The following HADHB variants were observed in gnomAD, a reference collection of about 807,000 sequenced individuals.
HADHB encodes the protein trifunctional enzyme subunit beta, mitochondrial.
HADHB carries 50 observed loss-of-function variants against 61.9 expected under a neutral mutation model. That is an observed-to-expected ratio of 0.81 (90% CI 0.64 to 1.02). HADHB has a LOEUF of 1.02. HADHB is among the 50% of genes least tolerant of loss of function. The pLI is 0.00. For synonymous variants in HADHB, 191 were observed against 201.6 expected, an observed-to-expected ratio of 0.95 and a Z score of 0.45; for missense variants, 504 against 586.5, an observed-to-expected ratio of 0.86 and a Z score of 1.45.
intron 1 of HADHB, among the ~76,000 whole-genome samples, chr2:26,245,705 A>G (rs1175955776): frequency 6.6e-6 from 1 of 152,088 alleles, no homozygotes; most frequent in African/African-American, 2.4e-5. Flanking sequence ...ATTGCATGGT[A>G]GCTGTTTTTG....
chr2:26,251,134 T>C (rs1392188384), intron 1 of HADHB, among the ~76,000 whole-genome samples: 4 of 149,630 alleles, frequency 2.7e-5, no homozygotes, highest in Non-Finnish European at 6.0e-5. Flanking sequence ...TCAGTGTCGT[T>C]TATTCCTGTG....
chr2:26,254,150 A>C, intron 1 of HADHB, 97 bp from the exon 2 acceptor site: 1 of 736,924 alleles, frequency 1.4e-6, no homozygotes, highest in Non-Finnish European at 2.5e-6. Context: ...AATGTTTTCT[A>C]GTAGCCATGG....
At chr2:26,281,530 T>C (rs1243390551) in intron 10 of HADHB, among the ~76,000 whole-genome samples, 2 of 152,198 alleles carry the variant, frequency 1.3e-5, no homozygotes, top group Non-Finnish European at 2.9e-5. Context: ...TGGCATGGAC[T>C]ACACTTGCCA....
At chr2:26,283,120 T>TA in intron 12 of HADHB, 69 bp downstream of exon 12, 2 of 956,840 alleles carry the variant, frequency 2.1e-6, no homozygotes, top group Non-Finnish European at 3.4e-6. Context: ...ATTATACTGG[T>TA]TAATAAATGA....
intron 15 of HADHB, 57 bp from the exon 16 acceptor site, chr2:26,289,861 G>C: frequency 8.7e-7 from 1 of 1,154,210 alleles, no homozygotes; most frequent in Non-Finnish European, 1.3e-6. Flanking sequence ...TGCTGTCCCT[G>C]TACTAGGTGG....
chr2:26,289,111 G>T (rs952379528), intron 15 of HADHB, among the ~76,000 whole-genome samples: 24 of 152,160 alleles, frequency 1.6e-4, no homozygotes, highest in African/African-American at 5.8e-4. Context: ...TTAGCCGGAC[G>T]TGGTGGCGGG....
intron 1 of HADHB, among the ~76,000 whole-genome samples, chr2:26,248,174 T>C (rs1456286437): frequency 2.6e-5 from 4 of 152,232 alleles, no homozygotes; most frequent in Admixed American, 2.6e-4. Flanking sequence ...GTAGCTTGCT[T>C]TTTCATTTAA....
At chr2:26,263,557 G>A (rs1184569671) in intron 4 of HADHB, 78 bp downstream of exon 4, 11 of 889,596 alleles carry the variant, frequency 1.2e-5, no homozygotes, top group Middle Eastern at 2.8e-4. Flanking sequence ...ATGTAACCCA[G>A]TAGGTAATAA....
intron 3 of HADHB, among the ~76,000 whole-genome samples, chr2:26,257,567 G>C (rs1398207716): frequency 6.6e-6 from 1 of 152,144 alleles, no homozygotes; most frequent in Admixed American, 6.5e-5. Flanking sequence ...CGGCGGGGCT[G>C]AGGGAGGAGG....
In HADHB at chr2:26,280,077, C is replaced by G. The variant is rs746471548; in HGVS notation, c.895C>G (p.Pro299Ala). 3.1e-6 allele frequency: 5 copies of G among 1,611,728 alleles called. No individual in the cohort carries two copies. In the East Asian group the frequency reaches 1.1e-4, roughly 36 times the overall value. ...MAKLKPAFIK[P>A]YGTVTAANSS... is the part of the protein sequence containing the mutation. ...CAAACTAAAACCTGCATTCATCAAGCCCTACGGCACAGTGACAGCTGCAAA... is the reference window on the plus strand; with the variant it reads ...CAAACTAAAACCTGCATTCATCAAGGCCTACGGCACAGTGACAGCTGCAAA... The change falls in exon 10 of 16, where the codon CCC (proline) becomes GCC (alanine). Residue 299 changes from proline to alanine, a missense_variant. Coordinates refer to ENST00000317799, the MANE Select transcript of HADHB (RefSeq NM_000183.3).
intron 9 of HADHB, among the ~76,000 whole-genome samples, chr2:26,279,607 C>G (rs956622547): frequency 2.7e-5 from 4 of 150,438 alleles, no homozygotes; most frequent in African/African-American, 9.8e-5. Flanking sequence ...TGGTCAACAG[C>G]GTGAGACTTC....
chr2:26,281,864 T>G (rs1672804302), intron 10 of HADHB, among the ~76,000 whole-genome samples: 1 of 152,216 alleles, frequency 6.6e-6, no homozygotes, highest in Non-Finnish European at 1.5e-5. Flanking sequence ...TTTTACAAAT[T>G]ATGAAGAATA....
intron 4 of HADHB, among the ~76,000 whole-genome samples, chr2:26,269,186 T>C (rs1672230301): frequency 6.6e-6 from 1 of 150,682 alleles, no homozygotes; most frequent in South Asian, 2.1e-4. Flanking sequence ...AAAGAGGAAC[T>C]CTGCTCTCTT....
At chr2:26,282,964 A>G (rs1392213669) in intron 11 of HADHB, 40 bp downstream of exon 11, 1 of 1,598,912 alleles carries the variant, frequency 6.3e-7, no homozygotes, top group Non-Finnish European at 8.6e-7. Context: ...TGATTTCTTT[A>G]TTTTATTACC....
At chr2:26,273,087 CAA>C (rs559000048) in intron 5 of HADHB, among the ~76,000 whole-genome samples, 22 of 131,798 alleles carry the variant, frequency 1.7e-4, no homozygotes, top group Admixed American at 1.5e-4. Context: ...ATTCTTATCT[CAA>C]AAAAAAAAAA....
rs72851529 is a variant in HADHB, at chr2:26,275,946, A to C, written c.355-1127A>C. 6.3e-3 allele frequency among the ~76,000 whole-genome samples: 954 copies of C among 152,358 alleles called. 8 individuals are homozygous for C. The highest frequency in any genetic ancestry group is 0.021 in the African/African-American group (892 of 41,584). ...GATAATTAATAGTTTCAGGGAAAGA[A>C]TACTAAAAATGAATTCCCTATAATG... On this transcript the variant is annotated intron_variant, in intron 6 of 15. Coordinates refer to ENST00000317799, the MANE Select transcript of HADHB (RefSeq NM_000183.3).
At chr2:26,254,560 A>C in intron 3 of HADHB, 86 bp downstream of exon 3, 1 of 920,610 alleles carries the variant, frequency 1.1e-6, no homozygotes, top group Non-Finnish European at 1.8e-6. Context: ...AAAAACCAAA[A>C]CTAATTTGCT....
At position 26,277,115 on chromosome 2, in the gene HADHB, A is replaced by G. The variant is rs371159065; in HGVS notation, c.397A>G (p.Thr133Ala). ...CTTCTCTGACAAGACTCCTGCTCAC[A>G]CTGTCACCATGGCTTGTATCTCTGC... ...AGFSDKTPAH[T>A]VTMACISANQ... Residue 133 changes from threonine (T) to alanine (A), a missense_variant, in exon 7 of 16, where the codon ACT becomes GCT. Thr to Ala is a moderately conservative substitution (Grantham distance 58). Transcript: ENST00000317799. 1.9e-4 allele frequency: 303 copies of G among 1,607,024 alleles called. 1 individual carries two copies. Among genetic ancestry groups the G allele is most frequent in the Non-Finnish European group, 2.3e-4 (271 of 1,173,970 alleles).
At chr2:26,283,202 G>A in intron 12 of HADHB, 151 bp downstream of exon 12, 2 of 697,188 alleles carry the variant, frequency 2.9e-6, no homozygotes, top group Non-Finnish European at 5.1e-6. Context: ...GTTCATAATT[G>A]GTTTATGTGG....
Sources: allele counts gnomAD v4.1 joint callset (sites outside exome capture counted in the v4.1 genomes callset), GRCh38; gene constraint gnomAD v4.1.1; transcripts MANE v1.5; gene names NCBI Gene and HGNC (gene_info 2026-07-23, HGNC 2026-07-21).